LRRC2: variants seen among roughly 807,000 people sequenced by gnomAD.
LRRC2 encodes leucine-rich repeat-containing protein 2.
A neutral mutation model predicts 40.2 loss-of-function variants in LRRC2; 27 were observed. The ratio of observed to expected loss-of-function variants is 0.67; its 90% CI spans 0.49 to 0.93. The LOEUF (loss-of-function observed/expected upper bound fraction) is 0.93, where lower values mean the gene tolerates loss of function less well. Ranked by LOEUF, LRRC2 falls within the 40% of genes least tolerant of loss-of-function variation. The pLI, the probability that LRRC2 is intolerant of heterozygous loss-of-function variation, is 0.00. For synonymous variants in LRRC2, 147 were observed against 158.9 expected (o/e 0.92, Z 0.56); for missense variants, 402 against 439.6 (o/e 0.91, Z 0.76).
chr3:46,534,423 C>T (rs7633824), intron 4 of LRRC2, among the ~76,000 whole-genome samples: 31,192 of 100,682 alleles, frequency 0.31, 3,795 homozygotes, highest in Middle Eastern at 0.35. Context: ...TTCCTTCCTT[C>T]CTTTCTTTCT....
intron 1 of LRRC2, chr3:46,557,994 CAGG>C (rs1331894811): frequency 3.9e-5 from 6 of 152,186 alleles, no homozygotes; most frequent in Non-Finnish European, 7.3e-5. Context: ...CAAGCACAGG[CAGG>C]AGTTCTTCAG....
chr3:46,544,316 C>T lies in LRRC2; in HGVS notation c.333+730G>A, dbSNP rs565033269. On this transcript the variant is annotated intron_variant, in intron 3 of 8. Transcript: ENST00000395905. ...GGCAGATCACCTGAGGTCAGGAGTT[C>T]GAGACCAACCTGGCCAACATGGTGA... 1.6e-4 allele frequency among the ~76,000 whole-genome samples: 25 copies of T among 152,266 alleles called. No homozygotes were observed. In the South Asian group the frequency reaches 1.9e-3, roughly 11 times the overall value.
rs71098416 is a variant in LRRC2, at chr3:46,546,715, C to CTTTTTT, written c.126-1468_126-1463dup. On this transcript the variant is annotated intron_variant, in intron 2 of 8. Coordinates refer to ENST00000395905, the MANE Select transcript of LRRC2 (RefSeq NM_024512.5). The stretch of plus-strand genomic sequence containing the variant: ...CACCCCCAGAAACACCAATTTGCTC[C>CTTTTTT]TTTTTTTTTTTTTTTTTTTTTGAGA... 2.6e-3 allele frequency among the ~76,000 whole-genome samples: 282 copies of CTTTTTT among 106,618 alleles called. 13 individuals carry two copies. Among genetic ancestry groups the CTTTTTT allele is most frequent in the African/African-American group, 7.1e-3 (196 of 27,672 alleles). The allele number at this position is 106,618 out of a possible 152,430, so 69.9% of individuals were successfully genotyped here. A position where few individuals can be genotyped will look rare whatever the true frequency, so the allele number is the denominator to read the frequency against.
rs1215444833 is a variant in LRRC2, at chr3:46,539,321, AACC to A, written c.334-123_334-121del. The A allele has an allele frequency of 2.7e-5, 25 of 909,896 alleles. 1 individual carries two copies. The South Asian group carries it at 3.8e-4, about 14-fold the overall frequency. The allele number at this position is 909,896 out of a possible 1,614,324, so 56.4% of individuals were successfully genotyped here. On this transcript the variant is annotated intron_variant, in intron 3 of 8. Coordinates refer to ENST00000395905, the MANE Select transcript of LRRC2 (RefSeq NM_024512.5). The stretch of plus-strand genomic sequence containing the variant: ...AAGCAGACACGAGAGCATAAAACTT[AACC>A]ACCAGCACTCCAGCCATTTCAAAAA...
chr3:46,539,745 G>C (rs1704345518), intron 3 of LRRC2, among the ~76,000 whole-genome samples: 1 of 152,188 alleles, frequency 6.6e-6, no homozygotes, highest in Non-Finnish European at 1.5e-5. Context: ...CCACCTCCCT[G>C]GGTCTCCACT....
Position 46,538,906 on chromosome 3 carries a change from A to G in LRRC2, c.490+139T>C, listed in dbSNP as rs969561706. The G allele has an allele frequency of 3.1e-5, 25 of 809,560 alleles. No homozygotes were observed. In the Middle Eastern group the frequency reaches 1.5e-3, roughly 48 times the overall value. 50.1% of individuals were successfully genotyped at this position (809,560 alleles called of 1,614,324 possible). A position where few individuals can be genotyped will look rare whatever the true frequency, so the allele number is the denominator to read the frequency against. On this transcript the variant is annotated intron_variant, in intron 4 of 8. Coordinates refer to ENST00000395905, the MANE Select transcript of LRRC2 (RefSeq NM_024512.5). ...ATGCTGCAAACAAGCAGCTCTGGGGAGCCTCCAAACGGCCCTGCCCAACCA... is the reference window on the plus strand; with the variant it reads ...ATGCTGCAAACAAGCAGCTCTGGGGGGCCTCCAAACGGCCCTGCCCAACCA...
intron 1 of LRRC2, among the ~76,000 whole-genome samples, chr3:46,551,897 C>T (rs760002892): frequency 6.6e-6 from 1 of 151,814 alleles, no homozygotes. Context: ...ACCTCCTGGG[C>T]TCAGGCAATC....
At chr3:46,543,807 A>G (rs1433923076) in intron 3 of LRRC2, among the ~76,000 whole-genome samples, 1 of 152,036 alleles carries the variant, frequency 6.6e-6, no homozygotes, top group Admixed American at 6.6e-5. Context: ...CAATCCAGAC[A>G]TGCCTCCCTT....
chr3:46,520,103 AT>A (rs1703938887), intron 8 of LRRC2, among the ~76,000 whole-genome samples: 1 of 149,698 alleles, frequency 6.7e-6, no homozygotes, highest in Non-Finnish European at 1.5e-5. Context: ...TTTAAAACAA[AT>A]TAATTTATTT....
rs1304837895 is a variant in LRRC2 at position 46,532,799 on chromosome 3, G to A, written c.601C>T (p.Leu201=). The A allele has an allele frequency of 2.5e-6, 4 of 1,613,660 alleles. 1 individual carries two copies. Among genetic ancestry groups the A allele is most frequent in the East Asian group, 2.2e-5 (1 of 44,840 alleles). Reference sequence around the variant, plus strand: ...TCAAAGGGCAGCTCCATTAATTCTAGATTTCCAGAACAATCCAGTCTCTCT... The same window carrying A: ...TCAAAGGGCAGCTCCATTAATTCTAAATTTCCAGAACAATCCAGTCTCTCT... The part of the protein sequence containing the change: ...NLERLDCSGN[L]ELMELPFELS... The change falls in exon 5 of 9, where the codon CTA becomes TTA. Residue 201 remains leucine (L), a synonymous_variant. Coordinates refer to ENST00000395905, the MANE Select transcript of LRRC2 (RefSeq NM_024512.5).
chr3:46,561,570 G>C (rs1704943715), intron 1 of LRRC2, among the ~76,000 whole-genome samples: 1 of 151,980 alleles, frequency 6.6e-6, no homozygotes, highest in South Asian at 2.1e-4. Flanking sequence ...GTTGGCAGGG[G>C]AAGGGGCCGG....
At chr3:46,544,270 G>C (rs1295851996) in intron 3 of LRRC2, among the ~76,000 whole-genome samples, 1 of 152,176 alleles carries the variant, frequency 6.6e-6, no homozygotes, top group African/African-American at 2.4e-5. Flanking sequence ...TGTAATCCCA[G>C]CACTTTGGGA....
rs374593970 is a variant in LRRC2, at chr3:46,551,463, G to A, written c.125+4C>T. On this transcript the variant is annotated splice_donor_region_variant and intron_variant, in intron 2 of 8. Coordinates refer to ENST00000395905, the MANE Select transcript of LRRC2 (RefSeq NM_024512.5). Reference sequence around the variant, plus strand: ...CTACAAGACTAGGTTGAGAAAACACGTACTTCTCCAAGGCGCTCTTCTCAA... The same window carrying A: ...CTACAAGACTAGGTTGAGAAAACACATACTTCTCCAAGGCGCTCTTCTCAA... 49 of 1,611,868 alleles carry A rather than the reference G, an allele frequency of 3.0e-5. No homozygotes were observed. Among genetic ancestry groups the A allele is most frequent in the African/African-American group, 1.2e-4 (9 of 74,830 alleles).
Position 46,543,076 on chromosome 3 carries a change from G to A in LRRC2, c.333+1970C>T, listed in dbSNP as rs184953143. ...TCACTCCTTAGTCAGAGGTGAGGCC[G>A]AAGCACAAGCTCTCTGGGGGAGGAA... On this transcript the variant is annotated intron_variant, in intron 3 of 8. Transcript: ENST00000395905. Among the ~76,000 whole-genome samples, 8 of 152,300 alleles carry A rather than the reference G, an allele frequency of 5.3e-5. No individual in the cohort carries two copies. The East Asian group carries it at 1.4e-3, about 26-fold the overall frequency.
At chr3:46,551,700 C>T in intron 1 of LRRC2, 90 bp from the exon 2 acceptor site, 2 of 899,946 alleles carry the variant, frequency 2.2e-6, no homozygotes, top group South Asian at 4.4e-5. Flanking sequence ...GAATGAATCA[C>T]TTGGCTTAAG....
intron 1 of LRRC2, among the ~76,000 whole-genome samples, chr3:46,553,481 C>T (rs901014023): frequency 2.0e-5 from 3 of 152,108 alleles, no homozygotes; most frequent in Non-Finnish European, 2.9e-5. Flanking sequence ...CAGGGTATTA[C>T]CTGTTCCCTA....
At chr3:46,535,917 A>G (rs1704261299) in intron 4 of LRRC2, among the ~76,000 whole-genome samples, 1 of 152,204 alleles carries the variant, frequency 6.6e-6, no homozygotes, top group Non-Finnish European at 1.5e-5. Flanking sequence ...TGAACTAGGT[A>G]CTATTGTTAT....
chr3:46,546,110 A>G (rs1704520035), intron 2 of LRRC2, among the ~76,000 whole-genome samples: 1 of 152,320 alleles, frequency 6.6e-6, no homozygotes, highest in Admixed American at 6.5e-5. Flanking sequence ...CCAACTGGGA[A>G]CCTGGCGGCA....
intron 4 of LRRC2, among the ~76,000 whole-genome samples, chr3:46,537,796 C>T (rs1047931087): frequency 2.6e-5 from 4 of 152,134 alleles, no homozygotes; most frequent in Non-Finnish European, 5.9e-5. Context: ...TCATGGATAC[C>T]GACAGAAGAC....
Sources: gnomAD v4.1 joint callset for allele counts (sites outside exome capture counted in the v4.1 genomes callset) on GRCh38, gnomAD v4.1.1 for gene constraint, MANE v1.5 for transcripts, NCBI Gene and HGNC (gene_info 2026-07-23, HGNC 2026-07-21) for gene names.